ADCK1: variants seen among roughly 807,000 people sequenced by gnomAD.
The protein encoded by ADCK1 is aarF domain-containing protein kinase 1.
ADCK1 carries 41 observed loss-of-function variants against 52.3 expected under a neutral mutation model. That is an observed-to-expected ratio of 0.78 (90% CI 0.61 to 1.02). ADCK1 has a LOEUF of 1.02. ADCK1 is among the 50% of genes least tolerant of loss of function. The probability of loss-of-function intolerance (pLI) is 0.00; values close to 1 mark genes in which losing one functional copy is unlikely to be tolerated. For synonymous variants in ADCK1, 250 were observed against 274.6 expected, an observed-to-expected ratio of 0.91 and a Z score of 0.89; for missense variants, 658 against 679.5, an observed-to-expected ratio of 0.97 and a Z score of 0.35.
chr14:77,914,564 G>C, intron 7 of ADCK1: 1 of 985,442 alleles, frequency 1.0e-6, no homozygotes, highest in South Asian at 4.7e-5. Context: ...GGGGCTGGGT[G>C]AGGCTTTATA....
rs1350102801 is a variant in ADCK1, at chr14:77,852,682, T to A, written c.220-6394T>A. Among the ~76,000 whole-genome samples the A allele has an allele frequency of 2.7e-4, 21 of 78,270 alleles. 1 individual carries two copies. The highest frequency in any genetic ancestry group is 8.0e-4 in the Admixed American group (7 of 8,762). The allele number at this position is 78,270 out of a possible 152,430, so 51.3% of individuals were successfully genotyped here. ...ATAAATATATATATATATATATATA[T>A]ATATATATATATATATATATATTTC... is the stretch of plus-strand genomic sequence containing the variant. On this transcript the variant is annotated intron_variant, in intron 3 of 10. Coordinates refer to ENST00000238561, the MANE Select transcript of ADCK1 (RefSeq NM_020421.4).
intron 4 of ADCK1, among the ~76,000 whole-genome samples, chr14:77,880,557 G>T (rs555469423): frequency 6.6e-6 from 1 of 152,274 alleles, no homozygotes; most frequent in South Asian, 2.1e-4. Flanking sequence ...TGGTGGTGAG[G>T]GTATTCCCAC....
At chr14:77,931,849 A>T in intron 10 of ADCK1, 138 bp downstream of exon 10, 1 of 941,638 alleles carries the variant, frequency 1.1e-6, no homozygotes. Context: ...CCTGCAGGCA[A>T]AGTTAAAGTT....
chr14:77,814,695 C>CAA lies in ADCK1; in HGVS notation c.-11-4250_-11-4249dup, dbSNP rs995163952. Among the ~76,000 whole-genome samples the CAA allele has an allele frequency of 5.2e-3, 185 of 35,512 alleles. 3 individuals carry two copies. The highest frequency in any genetic ancestry group is 0.019 in the South Asian group (14 of 742). 23.3% of individuals were successfully genotyped at this position (35,512 alleles called of 152,430 possible). On this transcript the variant is annotated intron_variant, in intron 1 of 10. Transcript: ENST00000238561. ...CCTGGGTGACAGAGCAAGACACTCT[C>CAA]AAAAAAAAAAAAAAAAAAAAAAAAG...
At chr14:77,900,975 A>G (rs113549927) in intron 6 of ADCK1, among the ~76,000 whole-genome samples, 4,323 of 152,104 alleles carry the variant, frequency 0.028, 107 homozygotes, top group African/African-American at 0.052. Context: ...GAGGATTCAG[A>G]AGTAGGGACT....
At chr14:77,854,456 C>T (rs953321018) in intron 3 of ADCK1, among the ~76,000 whole-genome samples, 5 of 152,096 alleles carry the variant, frequency 3.3e-5, no homozygotes, top group South Asian at 4.1e-4. Flanking sequence ...TCTATATTTT[C>T]TGGTGCTTTG....
At chr14:77,844,963 G>T (rs1393366007) in intron 3 of ADCK1, among the ~76,000 whole-genome samples, 1 of 152,154 alleles carries the variant, frequency 6.6e-6, no homozygotes. Context: ...TGTGTGCCAC[G>T]GGCACAGTAA....
At chr14:77,911,644 G>A (rs575674019) in intron 7 of ADCK1, among the ~76,000 whole-genome samples, 150 of 152,222 alleles carry the variant, frequency 9.9e-4, no homozygotes, top group African/African-American at 3.5e-3. Context: ...CCTGGCGTGT[G>A]CTAAGTAAGT....
intron 1 of ADCK1, among the ~76,000 whole-genome samples, chr14:77,805,710 C>A (rs28725265): frequency 6.6e-6 from 1 of 151,822 alleles, no homozygotes; most frequent in African/African-American, 2.4e-5. Context: ...TGGAGTAGAA[C>A]GAGTGAAGGG....
rs529733235 is a variant in ADCK1 at position 77,924,240 on chromosome 14, G to A, written c.859-217G>A. On this transcript the variant is annotated intron_variant, in intron 7 of 10. Transcript: ENST00000238561. ...TTAAAAAATACTGGTGCCTTGTACCGCCCACATGGTTTCATGATTCTAAGG... is the reference window on the plus strand; with the variant it reads ...TTAAAAAATACTGGTGCCTTGTACCACCCACATGGTTTCATGATTCTAAGG... 6.1e-4 allele frequency: 355 copies of A among 582,114 alleles called. 1 individual carries two copies. Among genetic ancestry groups the A allele is most frequent in the Non-Finnish European group, 7.7e-4 (263 of 341,080 alleles). 36.1% of individuals were successfully genotyped at this position (582,114 alleles called of 1,614,324 possible). A position where few individuals can be genotyped will look rare whatever the true frequency, so the allele number is the denominator to read the frequency against.
rs192070471 is a variant in ADCK1 at position 77,934,599 on chromosome 14, C to T, written c.*1208C>T. On this transcript the variant is annotated 3_prime_UTR_variant, in exon 11 of 11. Coordinates refer to ENST00000238561, the MANE Select transcript of ADCK1 (RefSeq NM_020421.4). ...TTGCTGCCAGCACTGCCTCTCCCCC[C>T]AGCCTGGTTGTCTGCTTCTGTTTCT... The T allele has an allele frequency of 6.6e-6, 1 of 152,446 alleles. No individual in the cohort carries two copies. The highest frequency in any genetic ancestry group is 2.1e-4 in the South Asian group (1 of 4,830). 9.4% of individuals were successfully genotyped at this position (152,446 alleles called of 1,614,324 possible). A position where few individuals can be genotyped will look rare whatever the true frequency, so the allele number is the denominator to read the frequency against.
intron 6 of ADCK1, among the ~76,000 whole-genome samples, chr14:77,903,464 C>G (rs1249042749): frequency 6.6e-6 from 1 of 152,220 alleles, no homozygotes; most frequent in African/African-American, 2.4e-5. Flanking sequence ...CAGGCTCAGA[C>G]AAGCACTGAA....
intron 3 of ADCK1, among the ~76,000 whole-genome samples, chr14:77,830,573 G>A (rs998383963): frequency 2.6e-5 from 4 of 151,028 alleles, no homozygotes; most frequent in East Asian, 1.9e-4. Context: ...GATTACAGGC[G>A]TGAGCTACTG....
At position 77,842,880 on chromosome 14, in the gene ADCK1, TTTTC is replaced by T. The variant is rs869039222; in HGVS notation, c.220-16184_220-16181del. 1.9e-4 allele frequency among the ~76,000 whole-genome samples: 23 copies of T among 123,298 alleles called. No individual in the cohort carries two copies. The East Asian group carries it at 3.4e-3, about 18-fold the overall frequency. The allele number at this position is 123,298 out of a possible 152,430, so 80.9% of individuals were successfully genotyped here. A position where few individuals can be genotyped will look rare whatever the true frequency, so the allele number is the denominator to read the frequency against. On this transcript the variant is annotated intron_variant, in intron 3 of 10. Transcript: ENST00000238561. Reference sequence around the variant, plus strand: ...TATTTTTTCTTTTTCTTTTCTTTTCTTTTCTTTCTTTCTTTTTTTTTTTTTTTAA... The same window carrying T: ...TATTTTTTCTTTTTCTTTTCTTTTCTTTTCTTTCTTTTTTTTTTTTTTTAA...
At chr14:77,907,642 G>A (rs1691016731) in intron 6 of ADCK1, among the ~76,000 whole-genome samples, 161 bp from the exon 7 acceptor site, 1 of 152,218 alleles carries the variant, frequency 6.6e-6, no homozygotes, top group South Asian at 2.1e-4. Flanking sequence ...CTCTTGGCCT[G>A]GCTGTCCCAT....
chr14:77,837,060 C>T (rs535797252), intron 3 of ADCK1, among the ~76,000 whole-genome samples: 5 of 151,980 alleles, frequency 3.3e-5, no homozygotes, highest in African/African-American at 7.2e-5. Flanking sequence ...AGTGAGCCGC[C>T]GTGCCTGGCC....
At chr14:77,838,817 T>G (rs1165456903) in intron 3 of ADCK1, among the ~76,000 whole-genome samples, 1 of 152,234 alleles carries the variant, frequency 6.6e-6, no homozygotes, top group Non-Finnish European at 1.5e-5. Context: ...TAAGCCACTA[T>G]TCATTCAGCC....
chr14:77,871,444 G>T (rs2082775950), intron 4 of ADCK1, among the ~76,000 whole-genome samples: 1 of 151,958 alleles, frequency 6.6e-6, no homozygotes, highest in African/African-American at 2.4e-5. Flanking sequence ...GGCAACCTTT[G>T]CCTCCCGGGT....
intron 2 of ADCK1, among the ~76,000 whole-genome samples, chr14:77,819,957 G>A (rs1652159399): frequency 6.6e-6 from 1 of 152,216 alleles, no homozygotes; most frequent in Non-Finnish European, 1.5e-5. Flanking sequence ...TGATGTGCCT[G>A]TCTTCAAGGC....
Sources: gnomAD v4.1 joint callset for allele counts (sites outside exome capture counted in the v4.1 genomes callset) on GRCh38, gnomAD v4.1.1 for gene constraint, MANE v1.5 for transcripts, NCBI Gene and HGNC (gene_info 2026-07-23, HGNC 2026-07-21) for gene names.